Variants in LRRIQ1 observed in about 807,000 individuals in gnomAD.
LRRIQ1 encodes the protein leucine rich repeats and IQ motif containing 1.
A neutral mutation model predicts 211.9 loss-of-function variants in LRRIQ1; 210 were observed. The ratio of observed to expected loss-of-function variants is 0.99; its 90% confidence interval spans 0.89 to 1.11. The LOEUF (loss-of-function observed/expected upper bound fraction) is 1.11. Among genes scored for constraint, LRRIQ1 ranks in the 50% most tolerant of loss-of-function variants. The pLI, the probability that LRRIQ1 is intolerant of heterozygous loss-of-function variation, is 0.00. For synonymous variants in LRRIQ1, 699 were observed against 650.1 expected (o/e 1.08, Z -1.14); for missense variants, 2,136 against 1,939.5 (o/e 1.10, Z -1.90).
downstream of LRRIQ1, among the ~76,000 whole-genome samples, chr12:85,246,767 C>T (rs140900878): frequency 6.6e-6 from 1 of 151,494 alleles, no homozygotes; most frequent in East Asian, 1.9e-4. Flanking sequence ...TTAAGGCAAA[C>T]TACTTTAGAA....
chr12:85,195,087 T>C (rs1431148811), intron 24 of LRRIQ1, among the ~76,000 whole-genome samples: 34 of 152,104 alleles, frequency 2.2e-4, no homozygotes, highest in South Asian at 2.1e-4. Context: ...AATGGAAAAA[T>C]TCCTGGACAC....
At chr12:85,266,215 A>G (rs1217308917), downstream of LRRIQ1, among the ~76,000 whole-genome samples, 1 of 152,000 alleles carries the variant, frequency 6.6e-6, no homozygotes, top group Admixed American at 6.6e-5. Flanking sequence ...CAGGTTTTAC[A>G]TAGATAGAGT....
chr12:85,236,096 A>C (rs193256779), intron 26 of LRRIQ1, among the ~76,000 whole-genome samples: 2,519 of 152,248 alleles, frequency 0.017, 77 homozygotes, highest in African/African-American at 0.058. Context: ...ATGAATGCAC[A>C]CCTTTTACAA....
intron 24 of LRRIQ1, among the ~76,000 whole-genome samples, chr12:85,184,710 AT>A (rs1178243107): frequency 2.0e-5 from 3 of 150,882 alleles, no homozygotes; most frequent in Admixed American, 6.6e-5. Flanking sequence ...TGTTTTGATA[AT>A]TTTTTTTTGC....
chr12:85,101,284 A>G (rs952398307), intron 13 of LRRIQ1, among the ~76,000 whole-genome samples: 4 of 151,808 alleles, frequency 2.6e-5, no homozygotes, highest in African/African-American at 9.7e-5. Flanking sequence ...ATATTGTTTG[A>G]AATACTTGTT....
chr12:85,051,646 G>T (rs1304537344), intron 6 of LRRIQ1, among the ~76,000 whole-genome samples: 2 of 151,938 alleles, frequency 1.3e-5, no homozygotes, highest in African/African-American at 2.4e-5. Flanking sequence ...GCTAGATTTT[G>T]GGTAATGTGT....
intron 24 of LRRIQ1, among the ~76,000 whole-genome samples, chr12:85,206,564 C>A (rs1427736579): frequency 6.6e-6 from 1 of 152,078 alleles, no homozygotes; most frequent in African/African-American, 2.4e-5. Context: ...CACATGTTAA[C>A]CAGCAAAGCA....
intron 6 of LRRIQ1, chr12:85,048,182 G>A (rs923805079): frequency 1.3e-5 from 2 of 152,236 alleles, no homozygotes; most frequent in African/African-American, 2.4e-5. Context: ...GGGTTTGAGT[G>A]TTGCATATAA....
intron 24 of LRRIQ1, among the ~76,000 whole-genome samples, chr12:85,223,224 G>T (rs1055879776): frequency 3.3e-5 from 5 of 152,258 alleles, no homozygotes; most frequent in Admixed American, 2.6e-4. Flanking sequence ...ATGCCAATCA[G>T]GTTGACTGTT....
chr12:85,235,476 C>G (rs967353814), intron 26 of LRRIQ1, among the ~76,000 whole-genome samples: 1 of 152,270 alleles, frequency 6.6e-6, no homozygotes, highest in Non-Finnish European at 1.5e-5. Context: ...AAAGTGAGGT[C>G]TGGAGACGGG....
intron 24 of LRRIQ1, among the ~76,000 whole-genome samples, chr12:85,184,824 C>T (rs1049091790): frequency 4.0e-5 from 6 of 151,782 alleles, no homozygotes; most frequent in East Asian, 1.9e-4. Context: ...GTTAAACATA[C>T]GTTTGATACT....
chr12:85,040,545 G>A lies in LRRIQ1; in HGVS notation c.188G>A (p.Arg63Lys), dbSNP rs200876193. The change falls in exon 3 of 27, where the codon AGG becomes AAG. Residue 63 changes from arginine to lysine, a missense_variant. Transcript: ENST00000393217. ...VLHCINIIKN[R>K]SKAVEELILQ... Reference sequence around the variant, plus strand: ...CACTGTATTAACATCATAAAGAACAGGAGTAAAGCTGTTGAAGAGCTCATT... The same window carrying A: ...CACTGTATTAACATCATAAAGAACAAGAGTAAAGCTGTTGAAGAGCTCATT... The A allele has an allele frequency of 3.8e-6, 6 of 1,599,270 alleles. No homozygotes were observed. In the Admixed American group the frequency reaches 1.0e-4, roughly 27 times the overall value.
intron 5 of LRRIQ1, 84 bp from the exon 6 acceptor site, chr12:85,047,154 AAAAAAAATT>A (rs61287157): frequency 0.23 from 223,000 of 955,920 alleles, 27,026 homozygotes; most frequent in African/African-American, 0.35. Flanking sequence ...AGTAAAATTA[AAAAAAAATT>A]AAAAAAATTA....
chr12:85,048,886 T>C (rs933603053), intron 6 of LRRIQ1, among the ~76,000 whole-genome samples: 2 of 152,196 alleles, frequency 1.3e-5, no homozygotes, highest in African/African-American at 4.8e-5. Flanking sequence ...TCAGCAAAGT[T>C]GTCATTTTTA....
intron 24 of LRRIQ1, among the ~76,000 whole-genome samples, chr12:85,174,926 G>A (rs1343693591): frequency 1.3e-5 from 2 of 151,842 alleles, no homozygotes; most frequent in African/African-American, 2.4e-5. Context: ...ACAATGAAAC[G>A]AACCTCAAAG....
chr12:85,152,630 A>G (rs1273942108), intron 20 of LRRIQ1, among the ~76,000 whole-genome samples: 1 of 151,686 alleles, frequency 6.6e-6, no homozygotes, highest in Non-Finnish European at 1.5e-5. Context: ...TCAGCTGCAT[A>G]TTTGGCAGTA....
At chr12:85,121,280 C>G (rs887830149) in intron 15 of LRRIQ1, among the ~76,000 whole-genome samples, 1 of 152,008 alleles carries the variant, frequency 6.6e-6, no homozygotes, top group Non-Finnish European at 1.5e-5. Flanking sequence ...GTATATTTTA[C>G]TAAGAGAAAC....
chr12:85,179,484 T>C (rs1340782757), intron 24 of LRRIQ1, among the ~76,000 whole-genome samples: 1 of 151,970 alleles, frequency 6.6e-6, no homozygotes, highest in Non-Finnish European at 1.5e-5. Context: ...TAATATTCTG[T>C]GATTACAGAC....
chr12:85,102,959 A>AAAATAT (rs1458673370), intron 13 of LRRIQ1, among the ~76,000 whole-genome samples: 10 of 108,466 alleles, frequency 9.2e-5, no homozygotes, highest in African/African-American at 3.7e-4. Context: ...AAAAAAAAAA[A>AAAATAT]ATATATATAT....
Sources: gnomAD v4.1 joint callset for allele counts (sites outside exome capture counted in the v4.1 genomes callset) on GRCh38, gnomAD v4.1.1 for gene constraint, MANE v1.5 for transcripts, NCBI Gene and HGNC (gene_info 2026-07-23, HGNC 2026-07-21) for gene names.